The following TATDN1 variants were observed in gnomAD, a reference collection of about 807,000 sequenced individuals.
The protein encoded by TATDN1 is deoxyribonuclease TATDN1.
In TATDN1, 40 loss-of-function variants were observed where a neutral mutation model predicts 46.4. That is an observed-to-expected ratio of 0.86 (90% confidence interval 0.67 to 1.12). The LOEUF is 1.12. TATDN1 is among the 50% of genes most tolerant of loss of function. The pLI is 0.00. For synonymous variants in TATDN1, 95 were observed against 105.6 expected (o/e 0.90, Z 0.62); for missense variants, 326 against 348.4 (o/e 0.94, Z 0.51).
At chr8:124,523,055 T>A in intron 1 of TATDN1, 53 bp from the exon 2 acceptor site, 1 of 1,502,800 alleles carries the variant, frequency 6.7e-7, no homozygotes, top group Non-Finnish European at 9.2e-7. Context: ...ATGAAACTTG[T>A]ACTTAAATAA....
intron 11 of TATDN1, among the ~76,000 whole-genome samples, chr8:124,492,502 T>G (rs2131337057): frequency 6.6e-6 from 1 of 152,202 alleles, no homozygotes; most frequent in African/African-American, 2.4e-5. Context: ...CTGGGTGTGG[T>G]AGCTCACGCC....
In TATDN1 at chr8:124,522,181, T is replaced by G; in HGVS notation, c.108A>C (p.Ile36=). 1 of 1,596,184 alleles carries G rather than the reference T, an allele frequency of 6.3e-7. No individual in the cohort carries two copies. Among genetic ancestry groups the G allele is most frequent in the Non-Finnish European group, 8.5e-7 (1 of 1,170,344 alleles). The change falls in exon 3 of 12, where the codon ATA becomes ATC. Residue 36 remains isoleucine (I), a synonymous_variant. Coordinates refer to ENST00000276692, the MANE Select transcript of TATDN1 (RefSeq NM_032026.4). ...TAACACCAATCTCGACAGCTCTCCC[T>G]ATTACATCCTGTAAGTCATCTGTAA... The part of the protein sequence containing the change: ...QKHQDDLQDV[I]GRAVEIGVKK...
chr8:124,523,228 C>A, intron 1 of TATDN1: 1 of 504,654 alleles, frequency 2.0e-6, no homozygotes, highest in South Asian at 2.5e-5. Context: ...TAAGGCAGAT[C>A]CATTATCAGA....
chr8:124,508,373 T>TA, intron 8 of TATDN1, 101 bp downstream of exon 8: 1 of 1,009,950 alleles, frequency 9.9e-7, no homozygotes, highest in African/African-American at 1.6e-5. Context: ...TGCCAGTGCT[T>TA]AAAAAGGTTC....
At chr8:124,508,440 C>A in intron 8 of TATDN1, 34 bp downstream of exon 8, 1 of 1,590,012 alleles carries the variant, frequency 6.3e-7, no homozygotes, top group South Asian at 1.1e-5. Context: ...TAGAGATGTT[C>A]AACCTGTATT....
chr8:124,493,953 G>T lies in TATDN1; in HGVS notation c.671C>A (p.Pro224His), dbSNP rs999867033. 14 of 1,605,444 alleles carry T rather than the reference G, an allele frequency of 8.7e-6. No individual in the cohort carries two copies. The Admixed American group carries it at 1.6e-4, about 18-fold the overall frequency. Residue 224 changes from proline to histidine, a missense_variant, in exon 11 of 12, where the codon CCT becomes CAT. By Grantham distance (77) the Pro-to-His change is moderately conservative. Transcript: ENST00000276692. ...ATGTGTACTTTTGACTCCACACCAA[G>T]GTGCATCTAGTTAAGCAAAGAAAGT... ...SEKLMIETDA[P>H]WCGVKSTHAG...
chr8:124,492,998 G>A (rs147953003), intron 11 of TATDN1, among the ~76,000 whole-genome samples: 1 of 151,998 alleles, frequency 6.6e-6, no homozygotes, highest in East Asian at 1.9e-4. Flanking sequence ...TGTTAATAAA[G>A]GAAAAGAACC....
intron 8 of TATDN1, among the ~76,000 whole-genome samples, chr8:124,506,352 A>AAAAAG (rs1818427843): frequency 2.7e-5 from 4 of 148,694 alleles, no homozygotes; most frequent in African/African-American, 1.0e-4. Context: ...AAAAAAAAAA[A>AAAAAG]AAAAGAAAAA....
chr8:124,515,562 T>C (rs1455869377), intron 6 of TATDN1, among the ~76,000 whole-genome samples, 184 bp downstream of exon 6: 1 of 152,254 alleles, frequency 6.6e-6, no homozygotes, highest in Non-Finnish European at 1.5e-5. Flanking sequence ...GGGAACTATG[T>C]GCTTCCATCC....
In TATDN1 at chr8:124,534,145, C is replaced by CAAAAAAAAAAAAA. The variant is rs869060230; in HGVS notation, c.22+4867_22+4879dup. 6.2e-4 allele frequency among the ~76,000 whole-genome samples: 32 copies of CAAAAAAAAAAAAA among 51,268 alleles called. 3 individuals carry two copies. The highest frequency in any genetic ancestry group is 2.6e-3 in the East Asian group (2 of 764). 33.6% of individuals were successfully genotyped at this position (51,268 alleles called of 152,430 possible). On this transcript the variant is annotated intron_variant, in intron 1 of 11. Coordinates refer to ENST00000276692, the MANE Select transcript of TATDN1 (RefSeq NM_032026.4). ...TGGGCAACAGAGCGAGACTCCGTCT[C>CAAAAAAAAAAAAA]AAAAAAAAAAAAAAAAAAAAAAAAA...
At chr8:124,490,503 C>G (rs971746144) in intron 11 of TATDN1, among the ~76,000 whole-genome samples, 1 of 151,722 alleles carries the variant, frequency 6.6e-6, no homozygotes, top group Non-Finnish European at 1.5e-5. Flanking sequence ...GAGCGAGACT[C>G]TCTCTCCAAA....
At chr8:124,500,753 TAA>T (rs34661601) in intron 9 of TATDN1, among the ~76,000 whole-genome samples, 1 of 140,350 alleles carries the variant, frequency 7.1e-6, no homozygotes. Context: ...CCCCTTCTCT[TAA>T]AAAAAAAAAA....
intron 8 of TATDN1, among the ~76,000 whole-genome samples, chr8:124,507,503 C>A (rs1047783930): frequency 1.3e-5 from 2 of 152,078 alleles, no homozygotes; most frequent in Non-Finnish European, 2.9e-5. Flanking sequence ...ATTCAAGGGC[C>A]AGGCACAGTG....
At chr8:124,532,864 T>C (rs2131569949) in intron 1 of TATDN1, among the ~76,000 whole-genome samples, 1 of 152,212 alleles carries the variant, frequency 6.6e-6, no homozygotes, top group South Asian at 2.1e-4. Flanking sequence ...AAAGGATCCA[T>C]TAGTGGGTAA....
chr8:124,508,969 TG>T lies in TATDN1; in HGVS notation c.390-282del, dbSNP rs1818768576. 5.3e-5 allele frequency among the ~76,000 whole-genome samples: 8 copies of T among 152,328 alleles called. No individual in the cohort carries two copies. The South Asian group carries it at 1.5e-3, about 28-fold the overall frequency. The stretch of plus-strand genomic sequence containing the variant: ...CCCTTGCCACTGGGAGCACCATCAG[TG>T]GGAGTCAACTCACCAAGCGAGAAGC... On this transcript the variant is annotated intron_variant, in intron 6 of 11. Transcript: ENST00000276692.
chr8:124,531,500 C>T (rs1346361333), intron 1 of TATDN1, among the ~76,000 whole-genome samples: 1 of 152,106 alleles, frequency 6.6e-6, no homozygotes, highest in East Asian at 1.9e-4. Context: ...AAAATGAGTG[C>T]CTCTGTCGCT....
At chr8:124,518,763 C>A in intron 4 of TATDN1, 55 bp downstream of exon 4, 1 of 1,333,392 alleles carries the variant, frequency 7.5e-7, no homozygotes, top group Non-Finnish European at 1.1e-6. Flanking sequence ...TTCAGAAAGA[C>A]TTCTTCAAAA....
At chr8:124,517,661 C>T (rs1189630201) in intron 4 of TATDN1, among the ~76,000 whole-genome samples, 2 of 152,050 alleles carry the variant, frequency 1.3e-5, no homozygotes, top group Non-Finnish European at 2.9e-5. Context: ...TGAGGTTTTA[C>T]CTAACTAGGA....
intron 6 of TATDN1, among the ~76,000 whole-genome samples, chr8:124,509,891 T>A (rs1345660868): frequency 6.6e-6 from 1 of 151,966 alleles, no homozygotes; most frequent in Non-Finnish European, 1.5e-5. Context: ...ATACAAAAAT[T>A]AGCCGGCATG....
Sources: allele counts gnomAD v4.1 joint callset (sites outside exome capture counted in the v4.1 genomes callset), GRCh38; gene constraint gnomAD v4.1.1; transcripts MANE v1.5; gene names NCBI Gene and HGNC (gene_info 2026-07-23, HGNC 2026-07-21).